KIF2B: variants seen among roughly 807,000 people sequenced by gnomAD.
KIF2B encodes the protein kinesin family member 2B.
A neutral mutation model predicts 6.8 loss-of-function variants in KIF2B; 5 were observed. The ratio of observed to expected loss-of-function variants is 0.74; its 90% CI spans 0.39 to 1.55. KIF2B has a LOEUF of 1.55. Ranked by LOEUF, KIF2B falls within the 40% of genes most tolerant of loss-of-function variation. The pLI is 0.03. For missense variants in KIF2B, 908 were observed against 831.3 expected, an observed-to-expected ratio of 1.09 and a Z score of -1.13; for synonymous variants, 370 against 330.7, an observed-to-expected ratio of 1.12 and a Z score of -1.29.
rs922114478 is a variant in KIF2B, at chr17:53,823,612, G to A, written c.579G>A (p.Glu193=). ...PNYEIMHMIE[E]YRRHLDSSKI... ...ACGAAATCATGCACATGATCGAAGA[G>A]TATCGCAGGCACCTGGACAGCAGCA... Residue 193 remains glutamate (E), a synonymous_variant, in exon 1 of 1, where the codon GAG becomes GAA. Transcript: ENST00000268919. 7.4e-6 allele frequency: 12 copies of A among 1,613,228 alleles called. No homozygotes were observed. The highest frequency in any genetic ancestry group is 1.0e-5 in the Non-Finnish European group (12 of 1,180,052).
At position 53,823,409 on chromosome 17, in the gene KIF2B, G is replaced by A. The variant is rs2143779345; in HGVS notation, c.376G>A (p.Ala126Thr). Residue 126 changes from alanine (A) to threonine (T), a missense_variant, in exon 1 of 1, where the codon GCC becomes ACC. Physicochemically the swap from Ala to Thr is moderately conservative, Grantham distance 58. Coordinates refer to ENST00000268919, the MANE Select transcript of KIF2B (RefSeq NM_032559.5). ...GATGATCCCCCAGAAAAACCAAACA[G>A]CCTCAGGGGACAGCCTGGATGTGAG... Reference protein sequence around the residue: ...VAMIPQKNQTASGDSLDVRVP... With the variant: ...VAMIPQKNQTTSGDSLDVRVP... The A allele has an allele frequency of 6.2e-7, 1 of 1,614,084 alleles. No homozygotes were observed. The highest frequency in any genetic ancestry group is 8.5e-7 in the Non-Finnish European group (1 of 1,180,032).
chr17:53,824,315 G>A lies in KIF2B; in HGVS notation c.1282G>A (p.Val428Met), dbSNP rs202129331. ...VNAHSSRSHA[V>M]FQIILKSGRI... ...CGCTCACTCATCCAGGAGCCATGCA[G>A]TGTTCCAGATCATCCTGAAGTCAGG... is the stretch of plus-strand genomic sequence containing the variant. The change falls in exon 1 of 1, where the codon GTG (valine) becomes ATG (methionine). Residue 428 changes from valine (V) to methionine (M), a missense_variant. Coordinates refer to ENST00000268919, the MANE Select transcript of KIF2B (RefSeq NM_032559.5). The A allele has an allele frequency of 5.2e-5, 84 of 1,614,124 alleles. No homozygotes were observed. The East Asian group carries it at 1.1e-3, about 21-fold the overall frequency.
In KIF2B at chr17:53,824,008, T is replaced by A. The variant is rs1381210943; in HGVS notation, c.975T>A (p.Ser325=). 1 of 1,614,232 alleles carries A rather than the reference T, an allele frequency of 6.2e-7. No individual in the cohort carries two copies. Among genetic ancestry groups the A allele is most frequent in the Admixed American group, 1.7e-5 (1 of 60,024 alleles). ...GDFSGTAQDC[S]KGIYALVAQD... The stretch of plus-strand genomic sequence containing the variant: ...TTTCAGGAACGGCCCAAGATTGTTC[T>A]AAGGGCATTTATGCTCTGGTGGCAC... Residue 325 remains serine, a synonymous_variant, in exon 1 of 1, where the codon TCT becomes TCA. Transcript: ENST00000268919.
In KIF2B at chr17:53,823,920, TGGCCACCTGCTTTGCCTATG is replaced by T. The variant is rs751980084; in HGVS notation, c.891_910del (p.Thr298AspfsTer22). ...GTGGAGTCCATCTTCCGCAAGGGCA[TGGCCACCTGCTTTGCCTATG>T]GGCAGACGGGAAGTGGGAAGACGTA... On this transcript the variant is annotated frameshift_variant, in exon 1 of 1. Coordinates refer to ENST00000268919, the MANE Select transcript of KIF2B (RefSeq NM_032559.5). LOFTEE classifies it low-confidence loss of function (END_TRUNC). The T allele has an allele frequency of 3.7e-6, 6 of 1,614,116 alleles. No individual in the cohort carries two copies. The African/African-American group carries it at 8.0e-5, about 22-fold the overall frequency.
rs774884079 is a variant in KIF2B at position 53,824,684 on chromosome 17, C to G, written c.1651C>G (p.His551Asp). ...KKLNVDVRPYHRGHYPIGHEA... is the reference protein window; with the variant it reads ...KKLNVDVRPYDRGHYPIGHEA... ...ATTAAATGTAGATGTAAGGCCCTAC[C>G]ATCGTGGCCACTATCCGATTGGACA... Residue 551 changes from histidine (H) to aspartate (D), a missense_variant, in exon 1 of 1, where the codon CAT becomes GAT. Transcript: ENST00000268919. The G allele has an allele frequency of 6.2e-7, 1 of 1,614,130 alleles. No homozygotes were observed. Among genetic ancestry groups the G allele is most frequent in the Non-Finnish European group, 8.5e-7 (1 of 1,179,998 alleles).
Position 53,824,798 on chromosome 17 carries a change from A to C in KIF2B, c.1765A>C (p.Ser589Arg). 6.2e-7 allele frequency: 1 copy of C among 1,614,034 alleles called. No individual in the cohort carries two copies. The highest frequency in any genetic ancestry group is 8.5e-7 in the Non-Finnish European group (1 of 1,179,972). The change falls in exon 1 of 1, where the codon AGT becomes CGT. Residue 589 changes from serine (S) to arginine (R), a missense_variant. Physicochemically the swap from Ser to Arg is moderately radical, Grantham distance 110. Coordinates refer to ENST00000268919, the MANE Select transcript of KIF2B (RefSeq NM_032559.5). Reference protein sequence around the residue: ...DEFIKIPYVQSEEQKEIEEVE... With the variant: ...DEFIKIPYVQREEQKEIEEVE... ...ATTTATTAAAATACCTTATGTACAG[A>C]GTGAGGAGCAGAAAGAGATTGAAGA...
At position 53,824,904 on chromosome 17, in the gene KIF2B, A is replaced by C; in HGVS notation, c.1871A>C (p.Gln624Pro). 1 of 1,614,150 alleles carries C rather than the reference A, an allele frequency of 6.2e-7. No homozygotes were observed. Residue 624 changes from glutamine (Q) to proline (P), a missense_variant, in exon 1 of 1, where the codon CAG (glutamine) becomes CCG (proline). Physicochemically the swap from Gln to Pro is moderately conservative, Grantham distance 76. Coordinates refer to ENST00000268919, the MANE Select transcript of KIF2B (RefSeq NM_032559.5). ...KGSSQWLENI[Q>P]ERAGGVHHDI... The stretch of plus-strand genomic sequence containing the variant: ...TCTAGCCAATGGCTGGAAAACATCC[A>C]GGAGAGAGCTGGTGGAGTACACCAT...
rs770241138 is a variant in KIF2B, at chr17:53,825,012, A to G, written c.1979A>G (p.Lys660Arg). 2.7e-5 allele frequency: 43 copies of G among 1,613,436 alleles called. No individual in the cohort carries two copies. Among genetic ancestry groups the G allele is most frequent in the Non-Finnish European group, 3.6e-5 (42 of 1,179,758 alleles). The change falls in exon 1 of 1, where the codon AAA becomes AGA. Residue 660 changes from lysine (K) to arginine (R), a missense_variant. By Grantham distance (26) the Lys-to-Arg change is conservative (BLOSUM62 2). Coordinates refer to ENST00000268919, the MANE Select transcript of KIF2B (RefSeq NM_032559.5). ...DALTEIQKKL[K>R]LLLADLHVKS... ...CTGACCGAGATCCAAAAGAAACTGA[A>G]ATTATTACTAGCTGACCTCCACGTG... is the stretch of plus-strand genomic sequence containing the variant.
Position 53,824,203 on chromosome 17 carries a change from G to A in KIF2B, c.1170G>A (p.Gln390=), listed in dbSNP as rs1567760271. The part of the protein sequence containing the change: ...GNQQIQVVGL[Q]EKEVCCVEEV... The stretch of plus-strand genomic sequence containing the variant: ...AGCAAATCCAAGTGGTCGGGCTGCA[G>A]GAGAAAGAGGTGTGTTGTGTGGAGG... Residue 390 remains glutamine (Q), a synonymous_variant, in exon 1 of 1, where the codon CAG becomes CAA. Coordinates refer to ENST00000268919, the MANE Select transcript of KIF2B (RefSeq NM_032559.5). The A allele has an allele frequency of 7.4e-6, 12 of 1,614,188 alleles. No homozygotes were observed. The highest frequency in any genetic ancestry group is 9.3e-6 in the Non-Finnish European group (11 of 1,180,034).
Position 53,823,482 on chromosome 17 carries a change from T to C in KIF2B, c.449T>C (p.Leu150Pro), listed in dbSNP as rs1906462307. The stretch of plus-strand genomic sequence containing the variant: ...ATGAAGCAGAAAAAGTCTCCCTGCC[T>C]CTGGGAAATCCAGAAACTGCAGGAG... ...CLMKQKKSPC[L>P]WEIQKLQEQR... is the part of the protein sequence containing the mutation. Residue 150 changes from leucine to proline, a missense_variant, in exon 1 of 1, where the codon CTC becomes CCC. Coordinates refer to ENST00000268919, the MANE Select transcript of KIF2B (RefSeq NM_032559.5). 3.1e-6 allele frequency: 5 copies of C among 1,614,148 alleles called. No individual in the cohort carries two copies. Among genetic ancestry groups the C allele is most frequent in the Non-Finnish European group, 4.2e-6 (5 of 1,180,034 alleles).
In KIF2B at chr17:53,824,873, A is replaced by G. The variant is rs2143787445; in HGVS notation, c.1840A>G (p.Lys614Glu). 6.2e-7 allele frequency: 1 copy of G among 1,614,066 alleles called. No individual in the cohort carries two copies. The highest frequency in any genetic ancestry group is 1.1e-5 in the South Asian group (1 of 91,066). The change falls in exon 1 of 1, where the codon AAG becomes GAG. Residue 614 changes from lysine (K) to glutamate (E), a missense_variant. Transcript: ENST00000268919. ...LLGKDTTISGKGSSQWLENIQ... is the reference protein window; with the variant it reads ...LLGKDTTISGEGSSQWLENIQ... ...AGGGAAGGATACCACAATTTCAGGG[A>G]AGGGATCTAGCCAATGGCTGGAAAA... is the stretch of plus-strand genomic sequence containing the variant.
In KIF2B at chr17:53,825,012, A is replaced by C. The variant is rs770241138; in HGVS notation, c.1979A>C (p.Lys660Thr). ...CTGACCGAGATCCAAAAGAAACTGA[A>C]ATTATTACTAGCTGACCTCCACGTG... The part of the protein sequence containing the change: ...DALTEIQKKL[K>T]LLLADLHVKS... The change falls in exon 1 of 1, where the codon AAA (lysine) becomes ACA (threonine). Residue 660 changes from lysine (K) to threonine (T), a missense_variant. By Grantham distance (78) the Lys-to-Thr change is moderately conservative. Transcript: ENST00000268919. 1 of 1,613,436 alleles carries C rather than the reference A, an allele frequency of 6.2e-7. No individual in the cohort carries two copies. The highest frequency in any genetic ancestry group is 1.3e-5 in the African/African-American group (1 of 74,892).
In KIF2B at chr17:53,823,664, G is replaced by A. The variant is rs1443276956; in HGVS notation, c.631G>A (p.Glu211Lys). The change falls in exon 1 of 1, where the codon GAA becomes AAA. Residue 211 changes from glutamate to lysine, a missense_variant. Transcript: ENST00000268919. ...SKISVLEPPQ[E>K]HRICVCVRKR... ...GATCTCAGTCCTGGAGCCCCCGCAA[G>A]AACATCGCATCTGCGTCTGCGTGAG... The A allele has an allele frequency of 1.2e-6, 2 of 1,614,078 alleles. No individual in the cohort carries two copies. The highest frequency in any genetic ancestry group is 3.3e-5 in the Admixed American group (2 of 60,034).
Position 53,823,756 on chromosome 17 carries a change from C to A in KIF2B, c.723C>A (p.Asp241Glu), listed in dbSNP as rs1906475681. 1 of 1,614,202 alleles carries A rather than the reference C, an allele frequency of 6.2e-7. No homozygotes were observed. ...KDLDIITVPS[D>E]NVVMVHESKQ... Reference sequence around the variant, plus strand: ...TGGATATCATCACCGTCCCCTCGGACAATGTGGTTATGGTGCATGAGTCCA... The same window carrying A: ...TGGATATCATCACCGTCCCCTCGGAAAATGTGGTTATGGTGCATGAGTCCA... Residue 241 changes from aspartate (D) to glutamate (E), a missense_variant, in exon 1 of 1, where the codon GAC becomes GAA. Physicochemically the swap from Asp to Glu is conservative, Grantham distance 45 (BLOSUM62 2). Coordinates refer to ENST00000268919, the MANE Select transcript of KIF2B (RefSeq NM_032559.5).
In KIF2B at chr17:53,823,718, A is replaced by G. The variant is rs2143781314; in HGVS notation, c.685A>G (p.Thr229Ala). 6.2e-7 allele frequency: 1 copy of G among 1,614,186 alleles called. No homozygotes were observed. The highest frequency in any genetic ancestry group is 8.5e-7 in the Non-Finnish European group (1 of 1,180,026). Residue 229 changes from threonine to alanine, a missense_variant, in exon 1 of 1, where the codon ACC (threonine) becomes GCC (alanine). Coordinates refer to ENST00000268919, the MANE Select transcript of KIF2B (RefSeq NM_032559.5). Reference sequence around the variant, plus strand: ...GCGGCCTCTCAACCAGCGAGAGACAACCTTAAAGGACCTGGATATCATCAC... The same window carrying G: ...GCGGCCTCTCAACCAGCGAGAGACAGCCTTAAAGGACCTGGATATCATCAC... ...RKRPLNQRET[T>A]LKDLDIITVP...
rs368579567 is a variant in KIF2B, at chr17:53,824,117, G to A, written c.1084G>A (p.Gly362Ser). 23 of 1,614,096 alleles carry A rather than the reference G, an allele frequency of 1.4e-5. No individual in the cohort carries two copies. The African/African-American group carries it at 2.9e-4, about 21-fold the overall frequency. The change falls in exon 1 of 1, where the codon GGC becomes AGC. Residue 362 changes from glycine (G) to serine (S), a missense_variant. Gly to Ser is a moderately conservative substitution (Grantham distance 56). Transcript: ENST00000268919. Reference protein sequence around the residue: ...VYGTFFEIYGGKVYDLLNWKK... With the variant: ...VYGTFFEIYGSKVYDLLNWKK... ...TGGGACATTTTTTGAGATTTATGGG[G>A]GCAAGGTGTATGATTTGTTGAACTG...
Position 53,824,005 on chromosome 17 carries a change from T to C in KIF2B, c.972T>C (p.Cys324=), listed in dbSNP as rs755101592. 4.2e-5 allele frequency: 68 copies of C among 1,614,074 alleles called. No individual in the cohort carries two copies. Among genetic ancestry groups the C allele is most frequent in the Non-Finnish European group, 5.3e-5 (62 of 1,180,054 alleles). Residue 324 remains cysteine, a synonymous_variant, in exon 1 of 1, where the codon TGT becomes TGC. Transcript: ENST00000268919. ...ACTTTTCAGGAACGGCCCAAGATTG[T>C]TCTAAGGGCATTTATGCTCTGGTGG... ...GGDFSGTAQD[C]SKGIYALVAQ... is the part of the protein sequence containing the mutation.
At position 53,823,504 on chromosome 17, in the gene KIF2B, G is replaced by A. The variant is rs1182770267; in HGVS notation, c.471G>A (p.Gln157=). 1 of 1,613,948 alleles carries A rather than the reference G, an allele frequency of 6.2e-7. No individual in the cohort carries two copies. The highest frequency in any genetic ancestry group is 8.5e-7 in the Non-Finnish European group (1 of 1,180,038). The change falls in exon 1 of 1, where the codon CAG becomes CAA. Residue 157 remains glutamine (Q), a synonymous_variant. Transcript: ENST00000268919. The stretch of plus-strand genomic sequence containing the variant: ...GCCTCTGGGAAATCCAGAAACTGCA[G>A]GAGCAGCGGGAAAAGCGCAGGCGGC... ...SPCLWEIQKL[Q]EQREKRRRLQ...
chr17:53,824,083 CA>C lies in KIF2B; in HGVS notation c.1053del (p.Val352SerfsTer17), dbSNP rs756184012. The C allele has an allele frequency of 6.2e-7, 1 of 1,614,202 alleles. No homozygotes were observed. Among genetic ancestry groups the C allele is most frequent in the Non-Finnish European group, 8.5e-7 (1 of 1,180,044 alleles). ...ACTCCACATATGAGAAGCTGGACCT[CA>C]AAGTCTATGGGACATTTTTTGAGAT... ...RNSTYEKLDLKVYGTFFEIYG... is the reference protein window; with the variant it reads ...RNSTYEKLDLXVYGTFFEIYG... On this transcript the variant is annotated frameshift_variant, in exon 1 of 1. Transcript: ENST00000268919. LOFTEE classifies it low-confidence loss of function (END_TRUNC).
Sources: allele counts gnomAD v4.1 joint callset, GRCh38; gene constraint gnomAD v4.1.1; transcripts MANE v1.5; gene names NCBI Gene and HGNC (gene_info 2026-07-23, HGNC 2026-07-21).